The following COL5A3 variants were observed in gnomAD, a reference collection of about 807,000 sequenced individuals.
The protein encoded by COL5A3 is collagen alpha-3(V) chain.
COL5A3 carries 172 observed loss-of-function variants against 250.0 expected under a neutral mutation model. The observed-to-expected ratio is 0.69, with a 90% CI of 0.61 to 0.78. The LOEUF is 0.78. Among genes scored for constraint, COL5A3 ranks in the 30% least tolerant of loss-of-function variants. The pLI is 0.00. For synonymous variants in COL5A3, 937 were observed against 900.4 expected, an observed-to-expected ratio of 1.04 and a Z score of -0.73; for missense variants, 2,340 against 2,334.4, an observed-to-expected ratio of 1.00 and a Z score of -0.05.
At chr19:9,999,462 C>CT (rs2087324665) in intron 8 of COL5A3, among the ~76,000 whole-genome samples, 1 of 122,030 alleles carries the variant, frequency 8.2e-6, no homozygotes, top group African/African-American at 3.8e-5. Context: ...TTCTTTTTTT[C>CT]TTTTTTCTTT....
chr19:10,005,572 C>T lies in COL5A3; in HGVS notation c.580G>A (p.Glu194Lys). ...LTVLGTQDLG[E>K]KTFEGDIQEL... Reference sequence around the variant, plus strand: ...TGAACTCCTACCTCGAAAGTCTTTTCCCCAAGGTCCTGGGTCCCCAGCACA... The same window carrying T: ...TGAACTCCTACCTCGAAAGTCTTTTTCCCAAGGTCCTGGGTCCCCAGCACA... Residue 194 changes from glutamate (E) to lysine (K), a missense_variant, in exon 4 of 67, where the codon GAA (glutamate) becomes AAA (lysine). By Grantham distance (56) the Glu-to-Lys change is moderately conservative (BLOSUM62 1). Coordinates refer to ENST00000264828, the MANE Select transcript of COL5A3 (RefSeq NM_015719.4). 2 of 1,614,188 alleles carry T rather than the reference C, an allele frequency of 1.2e-6. 1 individual carries two copies. The highest frequency in any genetic ancestry group is 2.2e-5 in the South Asian group (2 of 91,082).
At chr19:9,986,013 G>GC in intron 30 of COL5A3, 118 bp from the exon 31 acceptor site, 1 of 880,582 alleles carries the variant, frequency 1.1e-6, no homozygotes, top group Non-Finnish European at 1.9e-6. Context: ...GGGAAACGAG[G>GC]TTCAAGTCCT....
At chr19:10,003,515 C>T in intron 6 of COL5A3, 50 bp downstream of exon 6, 1 of 1,589,644 alleles carries the variant, frequency 6.3e-7, no homozygotes, top group Non-Finnish European at 8.6e-7. Context: ...ACAGTCAAGA[C>T]CGGAAGTCAG....
At chr19:9,972,236 T>A (rs1050378444) in intron 51 of COL5A3, among the ~76,000 whole-genome samples, 10 of 152,274 alleles carry the variant, frequency 6.6e-5, no homozygotes, top group Non-Finnish European at 1.0e-4. Flanking sequence ...TATTCATATA[T>A]CCACTGATTT....
chr19:9,987,973 G>A (rs2087123331), intron 27 of COL5A3, among the ~76,000 whole-genome samples: 1 of 152,170 alleles, frequency 6.6e-6, no homozygotes, highest in Non-Finnish European at 1.5e-5. Context: ...GGTGGCTCAT[G>A]CCTGTAATCC....
chr19:9,996,297 C>T (rs761837855), intron 13 of COL5A3, 35 bp from the exon 14 acceptor site: 2 of 1,547,922 alleles, frequency 1.3e-6, no homozygotes, highest in Non-Finnish European at 1.7e-6. Context: ...TTGGGGCCTC[C>T]CACAAGACCC....
At position 9,988,612 on chromosome 19, in the gene COL5A3, C is replaced by T. The variant is rs535314937; in HGVS notation, c.2145+512G>A. 8.8e-4 allele frequency among the ~76,000 whole-genome samples: 134 copies of T among 152,026 alleles called. 1 individual carries two copies. Among genetic ancestry groups the T allele is most frequent in the South Asian group, 6.2e-3 (30 of 4,816 alleles). Reference sequence around the variant, plus strand: ...TTGGGAAGCCAAGGAGGGTGGATCACCTGAGGTCAGGAGTTCGAGACCAGC... The same window carrying T: ...TTGGGAAGCCAAGGAGGGTGGATCATCTGAGGTCAGGAGTTCGAGACCAGC... On this transcript the variant is annotated intron_variant, in intron 27 of 66. Transcript: ENST00000264828.
At chr19:9,987,433 G>A (rs536348019) in intron 27 of COL5A3, among the ~76,000 whole-genome samples, 34 of 152,216 alleles carry the variant, frequency 2.2e-4, no homozygotes, top group Non-Finnish European at 4.3e-4. Flanking sequence ...CTACAACATA[G>A]GGGTCAGTTA....
At position 9,979,167 on chromosome 19, in the gene COL5A3, C is replaced by T. The variant is rs1190160782; in HGVS notation, c.2839G>A (p.Gly947Ser). The T allele has an allele frequency of 5.0e-6, 8 of 1,600,088 alleles. No individual in the cohort carries two copies. Among genetic ancestry groups the T allele is most frequent in the Non-Finnish European group, 6.0e-6 (7 of 1,176,194 alleles). Residue 947 changes from glycine to serine, a missense_variant, in exon 39 of 67, where the codon GGT (glycine) becomes AGT (serine). This residue lies in a region of COL5A3 where 1,179 missense variants were observed against 1,162.6 expected (regional missense o/e 1.01). Transcript: ENST00000264828. ...TCTCTGCCTTCCAGGCCAGGAAGAC[C>T]TTGTTCACCAGGAGGTCCAGGGGGG... is the stretch of plus-strand genomic sequence containing the variant. ...PGPPGPPGEQ[G>S]LPGLEGREGA...
chr19:9,968,964 G>A lies in COL5A3; in HGVS notation c.4153-236C>T, dbSNP rs1165233630. The A allele has an allele frequency of 1.6e-5, 10 of 606,112 alleles. No individual in the cohort carries two copies. The highest frequency in any genetic ancestry group is 5.6e-5 in the African/African-American group (3 of 53,750). 37.5% of individuals were successfully genotyped at this position (606,112 alleles called of 1,614,324 possible). A position where few individuals can be genotyped will look rare whatever the true frequency, so the allele number is the denominator to read the frequency against. The stretch of plus-strand genomic sequence containing the variant: ...TGGCCAAGGTCAGCGTGGGTGATCA[G>A]TGTAGACCATTAAGATGGAGAGTCA... On this transcript the variant is annotated intron_variant, in intron 57 of 66. Transcript: ENST00000264828. This position sits in a 1 kb window ranked among gnomAD's most constrained non-coding sequence, Gnocchi z 4.1.
chr19:9,987,692 G>A (rs1195139884), intron 27 of COL5A3, among the ~76,000 whole-genome samples: 1 of 152,136 alleles, frequency 6.6e-6, no homozygotes, highest in African/African-American at 2.4e-5. Flanking sequence ...CTAGGCTGCA[G>A]TGAGTGAACT....
chr19:9,974,653 G>T (rs547072281), intron 45 of COL5A3, among the ~76,000 whole-genome samples: 2 of 152,256 alleles, frequency 1.3e-5, no homozygotes, highest in East Asian at 1.9e-4. Flanking sequence ...CTTGGGCAGG[G>T]TTCAACTGGG....
chr19:9,962,959 C>T, intron 64 of COL5A3, 72 bp from the exon 65 acceptor site: 1 of 1,121,488 alleles, frequency 8.9e-7, no homozygotes, highest in Non-Finnish European at 1.3e-6. Flanking sequence ...GCATTTCCCT[C>T]CTCACACAGT....
chr19:9,966,602 C>G lies in COL5A3; in HGVS notation c.4603G>C (p.Gly1535Arg). ...LELEQLRRPP[G>R]TAERPGLVCH... ...ACGAGGCCCGGGCGCTCCGCAGTGC[C>G]GGGAGGACGCCGCAGCTGCTCCAGC... Residue 1535 changes from glycine (G) to arginine (R), a missense_variant, in exon 63 of 67, where the codon GGC becomes CGC. Coordinates refer to ENST00000264828, the MANE Select transcript of COL5A3 (RefSeq NM_015719.4). 1 of 1,540,162 alleles carries G rather than the reference C, an allele frequency of 6.5e-7. No homozygotes were observed. The highest frequency in any genetic ancestry group is 8.7e-7 in the Non-Finnish European group (1 of 1,147,084).
intron 16 of COL5A3, among the ~76,000 whole-genome samples, chr19:9,994,546 C>CATATAT (rs2087241419): frequency 1.0e-5 from 1 of 100,438 alleles, no homozygotes; most frequent in African/African-American, 3.4e-5. Flanking sequence ...GCTGGAGTTA[C>CATATAT]ATATATGTTT....
At chr19:9,992,764 G>A (rs939257751) in intron 21 of COL5A3, 63 bp downstream of exon 21, 59 of 1,535,440 alleles carry the variant, frequency 3.8e-5, no homozygotes, top group Middle Eastern at 2.1e-4. Flanking sequence ...GCGACAGAGC[G>A]AGACCCTAAT....
chr19:9,981,994 C>G lies in COL5A3; in HGVS notation c.2460+71G>C. 9 of 1,211,280 alleles carry G rather than the reference C, an allele frequency of 7.4e-6. No homozygotes were observed. The South Asian group carries it at 1.1e-4, about 15-fold the overall frequency. 75.0% of individuals were successfully genotyped at this position (1,211,280 alleles called of 1,614,324 possible). ...CAAACACCCAGGGTCCACCCATCATCAGACACAACCACACATGCTGTTCCC... is the reference window on the plus strand; with the variant it reads ...CAAACACCCAGGGTCCACCCATCATGAGACACAACCACACATGCTGTTCCC... On this transcript the variant is annotated intron_variant, in intron 32 of 66. Transcript: ENST00000264828.
intron 15 of COL5A3, 22 bp downstream of exon 15, chr19:9,996,044 G>A (rs753621377): frequency 1.9e-6 from 3 of 1,544,550 alleles, no homozygotes; most frequent in African/African-American, 2.8e-5. Flanking sequence ...ATCCTATCCT[G>A]CCCTATCTCC....
intron 54 of COL5A3, among the ~76,000 whole-genome samples, chr19:9,970,335 TG>T (rs1461552500): frequency 1.5e-5 from 1 of 64,568 alleles, no homozygotes; most frequent in Non-Finnish European, 3.1e-5. Flanking sequence ...GTGGGGTCTG[TG>T]GGTGAGTGTG....
Sources: allele counts gnomAD v4.1 joint callset (sites outside exome capture counted in the v4.1 genomes callset), GRCh38; gene constraint gnomAD v4.1.1; regional missense constraint gnomAD v4.1.1; non-coding constraint Gnocchi (gnomAD v3.1); transcripts MANE v1.5; gene names NCBI Gene and HGNC (gene_info 2026-07-23, HGNC 2026-07-21).